The following AQP9 variants were observed in gnomAD, a reference collection of about 807,000 sequenced individuals.
AQP9 encodes the protein aquaporin 9.
Under a neutral mutation model 23.8 loss-of-function variants are expected in AQP9, and 19 were observed. The observed-to-expected ratio is 0.80, with a 90% CI of 0.56 to 1.17. The LOEUF is 1.17. AQP9 is among the 50% of genes most tolerant of loss of function. The pLI is 0.00. For missense variants in AQP9, 413 were observed against 362.0 expected, an observed-to-expected ratio of 1.14 and a Z score of -1.14; for synonymous variants, 153 against 131.5, an observed-to-expected ratio of 1.16 and a Z score of -1.12.
At chr15:58,165,947 G>T (rs538264473) in intron 1 of AQP9, among the ~76,000 whole-genome samples, 1 of 152,312 alleles carries the variant, frequency 6.6e-6, no homozygotes, top group South Asian at 2.1e-4. Flanking sequence ...GAAAATACAT[G>T]AGAATAAGGG....
intron 1 of AQP9, among the ~76,000 whole-genome samples, chr15:58,139,273 T>G (rs1310633620): frequency 6.6e-6 from 1 of 152,228 alleles, no homozygotes; most frequent in African/African-American, 2.4e-5. Flanking sequence ...CAAAGTAATC[T>G]CTAAATATCT....
chr15:58,173,033 A>T (rs1220352985), intron 2 of AQP9, 35 bp from the exon 3 acceptor site: 1 of 1,613,000 alleles, frequency 6.2e-7, no homozygotes. Context: ...CTTCTTCCTA[A>T]CCTGCCCTCT....
chr15:58,147,593 G>A (rs1898070837), intron 1 of AQP9, among the ~76,000 whole-genome samples: 1 of 152,150 alleles, frequency 6.6e-6, no homozygotes. Flanking sequence ...ATGCTAAGAT[G>A]TGAGCCTAGA....
In AQP9 at chr15:58,166,858, A is replaced by C. The variant is rs141610651; in HGVS notation, c.238+59A>C. On this transcript the variant is annotated intron_variant, in intron 2 of 5. Coordinates refer to ENST00000219919, the MANE Select transcript of AQP9 (RefSeq NM_020980.5). ...TTCAGCCACTCCAATGTGCCCGCAC[A>C]GTGCTGGCTGCTTCACATACCTTAA... 89 of 1,551,584 alleles carry C rather than the reference A, an allele frequency of 5.7e-5. 1 individual carries two copies. In the East Asian group the frequency reaches 2.1e-3, roughly 36 times the overall value.
chr15:58,176,934 T>C (rs1479451077), intron 4 of AQP9, among the ~76,000 whole-genome samples: 1 of 152,158 alleles, frequency 6.6e-6, no homozygotes, highest in African/African-American at 2.4e-5. Context: ...TGTGTCCTTG[T>C]CTCAGAGTGA....
At chr15:58,179,106 G>A (rs1380553310) in intron 4 of AQP9, 22 bp from the exon 5 acceptor site, 2 of 1,555,842 alleles carry the variant, frequency 1.3e-6, no homozygotes, top group Non-Finnish European at 8.9e-7. Context: ...CTAAAGCCCT[G>A]GCTCAACTTC....
At chr15:58,146,698 T>G (rs1057460447) in intron 1 of AQP9, 3 of 152,176 alleles carry the variant, frequency 2.0e-5, no homozygotes, top group Non-Finnish European at 4.4e-5. Flanking sequence ...CCACGTGGCC[T>G]AAGGTGTGGA....
At chr15:58,149,316 C>T (rs1449022824) in intron 1 of AQP9, among the ~76,000 whole-genome samples, 1 of 152,174 alleles carries the variant, frequency 6.6e-6, no homozygotes, top group Non-Finnish European at 1.5e-5. Flanking sequence ...TGGGAGGACT[C>T]ACAGAAGTAA....
Position 58,138,581 on chromosome 15 carries a change from G to C in AQP9, c.16G>C (p.Ala6Pro). 6.2e-7 allele frequency: 1 copy of C among 1,613,734 alleles called. No homozygotes were observed. The highest frequency in any genetic ancestry group is 8.5e-7 in the Non-Finnish European group (1 of 1,179,766). The change falls in exon 1 of 6, where the codon GCA becomes CCA. Residue 6 changes from alanine to proline, a missense_variant. Transcript: ENST00000219919. Reference sequence around the variant, plus strand: ...AAGCCCCAAGATGCAGCCTGAGGGAGCAGAAAAGGGAAAAAGCTTCAAGCA... The same window carrying C: ...AAGCCCCAAGATGCAGCCTGAGGGACCAGAAAAGGGAAAAAGCTTCAAGCA... MQPEG[A>P]EKGKSFKQRL...
chr15:58,177,373 G>C (rs1663247), intron 4 of AQP9, among the ~76,000 whole-genome samples: 2 of 152,154 alleles, frequency 1.3e-5, no homozygotes, highest in South Asian at 4.1e-4. Flanking sequence ...CAGAGTGACA[G>C]GGACACTGAT....
chr15:58,158,262 G>A (rs1456865249), intron 1 of AQP9, among the ~76,000 whole-genome samples: 1 of 152,122 alleles, frequency 6.6e-6, no homozygotes, highest in Non-Finnish European at 1.5e-5. Context: ...ATTCTTGGGG[G>A]CATTGGTTGC....
At chr15:58,149,372 T>G (rs780484897) in intron 1 of AQP9, among the ~76,000 whole-genome samples, 4 of 152,202 alleles carry the variant, frequency 2.6e-5, no homozygotes, top group Non-Finnish European at 4.4e-5. Flanking sequence ...ATGTGAATGT[T>G]TCCTCCTTCA....
intron 2 of AQP9, among the ~76,000 whole-genome samples, chr15:58,169,941 A>G (rs1357240459): frequency 6.6e-6 from 1 of 152,158 alleles, no homozygotes; most frequent in Non-Finnish European, 1.5e-5. Flanking sequence ...GGTGGCGAGG[A>G]GGAGAGGATT....
intron 1 of AQP9, among the ~76,000 whole-genome samples, chr15:58,157,643 A>G (rs148804991): frequency 1.8e-3 from 278 of 152,212 alleles, no homozygotes; most frequent in Non-Finnish European, 3.3e-3. Context: ...TGCATTGATA[A>G]CCACAAAATT....
intron 1 of AQP9, among the ~76,000 whole-genome samples, chr15:58,143,119 G>A (rs1212394828): frequency 1.3e-5 from 2 of 152,174 alleles, no homozygotes; most frequent in Admixed American, 6.5e-5. Flanking sequence ...TCTACCGTCA[G>A]TTTTACCTGC....
intron 1 of AQP9, among the ~76,000 whole-genome samples, chr15:58,145,311 TG>T (rs1898025513): frequency 6.6e-6 from 1 of 152,042 alleles, no homozygotes; most frequent in Non-Finnish European, 1.5e-5. Flanking sequence ...AAGACCAGCC[TG>T]GCCAACATGG....
intron 1 of AQP9, among the ~76,000 whole-genome samples, chr15:58,145,124 T>G (rs1898021325): frequency 6.6e-6 from 1 of 152,226 alleles, no homozygotes; most frequent in African/African-American, 2.4e-5. Flanking sequence ...TAATTTCTGC[T>G]TTGATCTTCC....
intron 4 of AQP9, among the ~76,000 whole-genome samples, chr15:58,176,727 C>T (rs1898765784): frequency 6.6e-6 from 1 of 151,572 alleles, no homozygotes; most frequent in Non-Finnish European, 1.5e-5. Context: ...TCTCCTGCCT[C>T]AGCCTTTGGA....
intron 1 of AQP9, among the ~76,000 whole-genome samples, chr15:58,147,820 C>G (rs564055080): frequency 2.0e-5 from 3 of 152,164 alleles, no homozygotes; most frequent in African/African-American, 2.4e-5. Flanking sequence ...CAAAAATACT[C>G]TAAGCTATTC....
Sources: gnomAD v4.1 joint callset for allele counts (sites outside exome capture counted in the v4.1 genomes callset) on GRCh38, gnomAD v4.1.1 for gene constraint, MANE v1.5 for transcripts, NCBI Gene and HGNC (gene_info 2026-07-23, HGNC 2026-07-21) for gene names.